DPH6: variants seen among roughly 807,000 people sequenced by gnomAD.
DPH6 encodes the protein diphthamine biosynthesis 6, also known as diphthine--ammonia ligase.
Under a neutral mutation model 38.2 loss-of-function variants are expected in DPH6, and 33 were observed. That is an observed-to-expected ratio of 0.86 (90% CI 0.65 to 1.15). The LOEUF (loss-of-function observed/expected upper bound fraction) is 1.15, where lower values mean the gene tolerates loss of function less well. Ranked by LOEUF, DPH6 falls within the 50% of genes most tolerant of loss-of-function variation. The pLI is 0.00. For missense variants in DPH6, 325 were observed against 320.0 expected (o/e 1.02, Z -0.12); for synonymous variants, 108 against 103.0 (o/e 1.05, Z -0.30).
chr15:35,259,378 A>ATACT (rs2051730476), intron 3 of DPH6, among the ~76,000 whole-genome samples: 1 of 152,184 alleles, frequency 6.6e-6, no homozygotes, highest in African/African-American at 2.4e-5. Context: ...CATGTACACT[A>ATACT]TACTTCCTCC....
intron 3 of DPH6, among the ~76,000 whole-genome samples, chr15:35,524,043 C>A (rs1257003585): frequency 6.6e-6 from 1 of 151,712 alleles, no homozygotes; most frequent in Admixed American, 6.6e-5. Flanking sequence ...AAAGCTATTA[C>A]CTAAAACAGT....
At chr15:35,260,375 G>A (rs1180940258) in intron 3 of DPH6, among the ~76,000 whole-genome samples, 1 of 151,900 alleles carries the variant, frequency 6.6e-6, no homozygotes. Flanking sequence ...CAAAGTGTTC[G>A]GATTACAGGC....
chr15:35,345,365 T>C (rs2052453537), intron 3 of DPH6, among the ~76,000 whole-genome samples: 1 of 151,928 alleles, frequency 6.6e-6, no homozygotes, highest in African/African-American at 2.4e-5. Context: ...TATTTATTTT[T>C]CTTGCCCATT....
chr15:35,330,291 T>C (rs997409896), downstream of DPH6, among the ~76,000 whole-genome samples: 2 of 152,166 alleles, frequency 1.3e-5, no homozygotes, highest in African/African-American at 2.4e-5. Context: ...AGCCTACTCA[T>C]GCAGACGCTA....
intron 4 of DPH6, among the ~76,000 whole-genome samples, chr15:35,452,938 C>T (rs76942886): frequency 0.011 from 1,608 of 152,060 alleles, 18 homozygotes; most frequent in East Asian, 0.042. Flanking sequence ...ACGAATTTTA[C>T]GATAAGGACA....
chr15:35,339,867 G>T (rs1417890553), intron 3 of DPH6, among the ~76,000 whole-genome samples: 3 of 152,110 alleles, frequency 2.0e-5, no homozygotes, highest in African/African-American at 7.2e-5. Context: ...TTGTTTTTAG[G>T]TGAAGAGTTT....
rs779198602 is a variant in DPH6 at position 35,344,474 on chromosome 15, T to G, written n.208-13397A>C. ...GCTCTCAGGAAAGACTCAATTACCATCCCCTGTTCTTTTAGGAAACCATTC... is the reference window on the plus strand; with the variant it reads ...GCTCTCAGGAAAGACTCAATTACCAGCCCCTGTTCTTTTAGGAAACCATTC... On this transcript the variant is annotated intron_variant and non_coding_transcript_variant, in intron 3 of 3. Transcript: ENST00000558973. 7.9e-5 allele frequency among the ~76,000 whole-genome samples: 12 copies of G among 151,996 alleles called. No homozygotes were observed. In the South Asian group the frequency reaches 2.5e-3, roughly 32 times the overall value.
intron 3 of DPH6, among the ~76,000 whole-genome samples, chr15:35,531,716 GC>G (rs1389185922): frequency 6.6e-6 from 1 of 152,130 alleles, no homozygotes; most frequent in Non-Finnish European, 1.5e-5. Flanking sequence ...TGGTCTGCCC[GC>G]CTCGGCCTCC....
At chr15:35,160,104 C>G in the DPH6 span, among the ~76,000 whole-genome samples, 1 of 151,912 alleles carries the variant, frequency 6.6e-6, no homozygotes, top group South Asian at 2.1e-4. Context: ...TGCTCACTAC[C>G]TGGGTGATGG....
At chr15:35,512,481 C>A (rs1195084680) in intron 3 of DPH6, among the ~76,000 whole-genome samples, 1 of 152,076 alleles carries the variant, frequency 6.6e-6, no homozygotes, top group Non-Finnish European at 1.5e-5. Flanking sequence ...AAATCTAGCA[C>A]ACGAGGCCAC....
chr15:35,286,212 T>C (rs1334644746), intron 3 of DPH6, among the ~76,000 whole-genome samples: 1 of 152,154 alleles, frequency 6.6e-6, no homozygotes, highest in Admixed American at 6.5e-5. Context: ...AATTGCCAGG[T>C]ATTACAATAC....
chr15:35,462,259 A>G (rs1566919075), intron 3 of DPH6, among the ~76,000 whole-genome samples: 1 of 152,092 alleles, frequency 6.6e-6, no homozygotes, highest in African/African-American at 2.4e-5. Context: ...CTTCCTCCCT[A>G]CAGTCTATCT....
At chr15:35,510,506 A>C (rs2054754711) in intron 3 of DPH6, among the ~76,000 whole-genome samples, 1 of 152,204 alleles carries the variant, frequency 6.6e-6, no homozygotes, top group Admixed American at 6.6e-5. Context: ...TTGAATAAGT[A>C]ATTCATTTTA....
intron 3 of DPH6, among the ~76,000 whole-genome samples, chr15:35,336,735 T>C (rs2052376131): frequency 6.6e-6 from 1 of 152,244 alleles, no homozygotes; most frequent in Admixed American, 6.5e-5. Context: ...TCTGTTTATA[T>C]GCTGGATTAC....
At chr15:35,431,064 T>C (rs1455044) in intron 5 of DPH6, among the ~76,000 whole-genome samples, 51,129 of 151,850 alleles carry the variant, frequency 0.34, 10,145 homozygotes, top group African/African-American at 0.56. Flanking sequence ...TCTCAATAAT[T>C]TTTAAAGGTG....
intron 3 of DPH6, among the ~76,000 whole-genome samples, chr15:35,301,467 T>A (rs1197843693): frequency 6.6e-6 from 1 of 152,208 alleles, no homozygotes; most frequent in Non-Finnish European, 1.5e-5. Flanking sequence ...TTCTCCTCTT[T>A]GTTTTTCATT....
intron 3 of DPH6, among the ~76,000 whole-genome samples, chr15:35,317,747 T>G (rs915842206): frequency 1.3e-5 from 2 of 152,076 alleles, no homozygotes; most frequent in African/African-American, 4.8e-5. Flanking sequence ...AAAACATATA[T>G]AGGACTAAAA....
At chr15:35,503,547 T>C (rs1358845658) in intron 3 of DPH6, among the ~76,000 whole-genome samples, 1 of 152,098 alleles carries the variant, frequency 6.6e-6, no homozygotes, top group African/African-American at 2.4e-5. Context: ...ATCATTCCAT[T>C]TCTCATTTTT....
chr15:35,481,700 T>C (rs1416032399), intron 3 of DPH6, among the ~76,000 whole-genome samples: 1 of 152,002 alleles, frequency 6.6e-6, no homozygotes, highest in Admixed American at 6.6e-5. Context: ...GAAAGAATAA[T>C]AGAAGGAGGG....
Sources: allele counts gnomAD v4.1 joint callset (sites outside exome capture counted in the v4.1 genomes callset), GRCh38; gene constraint gnomAD v4.1.1; transcripts MANE v1.5; gene names NCBI Gene and HGNC (gene_info 2026-07-23, HGNC 2026-07-21).